CCDC18: variants seen among roughly 807,000 people sequenced by gnomAD.
CCDC18 encodes coiled-coil domain-containing protein 18.
A neutral mutation model predicts 196.0 loss-of-function variants in CCDC18; 157 were observed. The ratio of observed to expected loss-of-function variants is 0.80; its 90% CI spans 0.70 to 0.91. The LOEUF (loss-of-function observed/expected upper bound fraction) is 0.91. Ranked by LOEUF, CCDC18 falls within the 40% of genes least tolerant of loss-of-function variation. CCDC18 has a pLI of 0.00. For missense variants in CCDC18, 1,465 were observed against 1,611.6 expected (o/e 0.91, Z 1.56); for synonymous variants, 482 against 529.2 (o/e 0.91, Z 1.22).
intron 18 of CCDC18, among the ~76,000 whole-genome samples, chr1:93,233,320 G>T (rs1162068619): frequency 1.3e-5 from 2 of 152,120 alleles, no homozygotes; most frequent in Non-Finnish European, 2.9e-5. Context: ...GAATTCTAGA[G>T]AATTTTATAC....
At position 93,264,509 on chromosome 1, in the gene CCDC18, T is replaced by C. The variant is rs184187380; in HGVS notation, c.3685-192T>C. ...TTGGTTAATTAAGTTCTTAAGTAAA[T>C]TGAAGATTATGGATTCCTTTGTTCC... On this transcript the variant is annotated intron_variant, in intron 26 of 28. Coordinates refer to ENST00000690025, the MANE Select transcript of CCDC18 (RefSeq NM_001378204.1). 8.1e-4 allele frequency: 357 copies of C among 442,690 alleles called. 8 individuals carry two copies. The highest frequency in any genetic ancestry group is 1.6e-4 in the Admixed American group (4 of 24,998). 27.4% of individuals were successfully genotyped at this position (442,690 alleles called of 1,614,324 possible). A position where few individuals can be genotyped will look rare whatever the true frequency, so the allele number is the denominator to read the frequency against.
intron 9 of CCDC18, 52 bp from the exon 10 acceptor site, chr1:93,210,750 C>A: frequency 7.1e-7 from 1 of 1,399,860 alleles, no homozygotes; most frequent in South Asian, 1.3e-5. Context: ...AATAAAAAAG[C>A]AAATGCATCT....
intron 28 of CCDC18, among the ~76,000 whole-genome samples, chr1:93,272,681 G>T (rs983292075): frequency 1.3e-5 from 2 of 152,200 alleles, no homozygotes; most frequent in African/African-American, 4.8e-5. Flanking sequence ...TGTAGAGTGG[G>T]TTTAGCATAG....
At chr1:93,262,764 G>C (rs184140305) in intron 26 of CCDC18, among the ~76,000 whole-genome samples, 112 of 152,250 alleles carry the variant, frequency 7.4e-4, no homozygotes, top group Non-Finnish European at 1.4e-3. Context: ...CCACTACCCA[G>C]TGCCCCGGTG....
At chr1:93,218,414 T>C (rs1442593382) in intron 14 of CCDC18, among the ~76,000 whole-genome samples, 1 of 152,146 alleles carries the variant, frequency 6.6e-6, no homozygotes, top group African/African-American at 2.4e-5. Context: ...AGAATTCTAA[T>C]AAAATCGACC....
chr1:93,275,388 C>T (rs779355871), intron 28 of CCDC18, among the ~76,000 whole-genome samples: 14 of 152,076 alleles, frequency 9.2e-5, no homozygotes, highest in Non-Finnish European at 1.0e-4. Flanking sequence ...AGATGACAGG[C>T]GTGAGCCACC....
chr1:93,228,915 T>C (rs914769813), intron 17 of CCDC18, among the ~76,000 whole-genome samples: 3 of 151,826 alleles, frequency 2.0e-5, no homozygotes, highest in African/African-American at 7.3e-5. Flanking sequence ...ACAAAATAAA[T>C]AGAACGATTT....
intron 23 of CCDC18, among the ~76,000 whole-genome samples, chr1:93,247,867 A>G (rs984575342): frequency 4.6e-5 from 7 of 152,092 alleles, no homozygotes; most frequent in African/African-American, 1.7e-4. Flanking sequence ...CAGGACTCCC[A>G]GTATTATACT....
At chr1:93,223,844 G>C (rs886173551) in intron 16 of CCDC18, among the ~76,000 whole-genome samples, 9 of 151,490 alleles carry the variant, frequency 5.9e-5, no homozygotes, top group African/African-American at 2.2e-4. Context: ...TGCACCTGAG[G>C]AGCTTCTTTG....
intron 23 of CCDC18, among the ~76,000 whole-genome samples, chr1:93,250,922 G>A (rs1358058556): frequency 6.6e-6 from 1 of 152,130 alleles, no homozygotes; most frequent in Non-Finnish European, 1.5e-5. Flanking sequence ...CACTCTATGT[G>A]TTTTAAATGG....
intron 18 of CCDC18, among the ~76,000 whole-genome samples, chr1:93,235,948 G>A (rs894303843): frequency 6.6e-6 from 1 of 152,090 alleles, no homozygotes; most frequent in Non-Finnish European, 1.5e-5. Context: ...GGAGCAGTAT[G>A]GTAAGAGAAG....
At chr1:93,185,255 T>C (rs1001556134) in intron 3 of CCDC18, among the ~76,000 whole-genome samples, 2 of 152,042 alleles carry the variant, frequency 1.3e-5, no homozygotes, top group Non-Finnish European at 2.9e-5. Flanking sequence ...TGGGTACGGG[T>C]ACATTGCCTA....
chr1:93,198,402 G>A (rs1400573232), intron 6 of CCDC18, among the ~76,000 whole-genome samples: 4 of 152,168 alleles, frequency 2.6e-5, no homozygotes, highest in Admixed American at 6.5e-5. Flanking sequence ...AGCAAATCAA[G>A]GATAGGCAAA....
chr1:93,246,372 T>C (rs1453930268), intron 22 of CCDC18, among the ~76,000 whole-genome samples, 168 bp downstream of exon 22: 3 of 152,296 alleles, frequency 2.0e-5, no homozygotes, highest in Middle Eastern at 3.4e-3. Context: ...TATCTTGATA[T>C]TTTTCTAGCA....
chr1:93,238,511 C>T (rs765755608), intron 19 of CCDC18, among the ~76,000 whole-genome samples: 54 of 145,622 alleles, frequency 3.7e-4, no homozygotes, highest in Admixed American at 9.5e-4. Context: ...AAAAGAAATG[C>T]TCCTACTTGC....
At chr1:93,232,761 A>G (rs1659445277) in intron 18 of CCDC18, among the ~76,000 whole-genome samples, 168 bp downstream of exon 18, 1 of 152,234 alleles carries the variant, frequency 6.6e-6, no homozygotes, top group Admixed American at 6.5e-5. Flanking sequence ...ACCTGAGGTC[A>G]GGAGTTCGAG....
At chr1:93,222,136 A>AT (rs929397087) in intron 16 of CCDC18, among the ~76,000 whole-genome samples, 200 bp downstream of exon 16, 18 of 151,838 alleles carry the variant, frequency 1.2e-4, no homozygotes, top group South Asian at 4.1e-4. Context: ...CTGGCTAATT[A>AT]TTTTTTTCTA....
At chr1:93,219,157 C>T (rs1656999239) in intron 14 of CCDC18, among the ~76,000 whole-genome samples, 1 of 152,160 alleles carries the variant, frequency 6.6e-6, no homozygotes, top group Non-Finnish European at 1.5e-5. Flanking sequence ...TAATGCCTTC[C>T]ACCTACAAAT....
rs139494467 is a variant in CCDC18 at position 93,277,772 on chromosome 1, G to A, written c.4354-691G>A. Among the ~76,000 whole-genome samples, 445 of 152,000 alleles carry A rather than the reference G, an allele frequency of 2.9e-3. 1 individual carries two copies. The highest frequency in any genetic ancestry group is 5.6e-3 in the South Asian group (27 of 4,810). On this transcript the variant is annotated intron_variant, in intron 28 of 28. Coordinates refer to ENST00000690025, the MANE Select transcript of CCDC18 (RefSeq NM_001378204.1). ...ACATAATTGTCTTTTGTCTCTGTCTGCTCTTTTTTTCTTCTTTTAATCTTC... is the reference window on the plus strand; with the variant it reads ...ACATAATTGTCTTTTGTCTCTGTCTACTCTTTTTTTCTTCTTTTAATCTTC...
Sources: gnomAD v4.1 joint callset for allele counts (sites outside exome capture counted in the v4.1 genomes callset) on GRCh38, gnomAD v4.1.1 for gene constraint, MANE v1.5 for transcripts, NCBI Gene and HGNC (gene_info 2026-07-23, HGNC 2026-07-21) for gene names.